MDGA2: variants seen among roughly 807,000 people sequenced by gnomAD.
The protein encoded by MDGA2 is MAM domain containing glycosylphosphatidylinositol anchor 2, also known as MAM domain-containing glycosylphosphatidylinositol anchor protein 2.
MDGA2 carries 40 observed loss-of-function variants against 117.8 expected under a neutral mutation model. That is an observed-to-expected ratio of 0.34 (90% CI 0.26 to 0.44). MDGA2 has a LOEUF of 0.44. MDGA2 is among the 20% of genes least tolerant of loss of function. MDGA2 has a pLI of 1.00. For synonymous variants in MDGA2, 452 were observed against 439.0 expected (o/e 1.03, Z -0.37); for missense variants, 1,123 against 1,250.6 (o/e 0.90, Z 1.54).
At chr14:47,580,797 G>A (rs1456095769) in intron 1 of MDGA2, among the ~76,000 whole-genome samples, 1 of 151,898 alleles carries the variant, frequency 6.6e-6, no homozygotes, top group Admixed American at 6.6e-5. Context: ...GCAATTATGG[G>A]AAATAATGCT....
intron 9 of MDGA2, among the ~76,000 whole-genome samples, chr14:46,933,080 A>G (rs143764407): frequency 1.8e-4 from 28 of 152,202 alleles, no homozygotes; most frequent in African/African-American, 4.8e-4. Flanking sequence ...CAGTACTTGT[A>G]GGTGAAAACA....
intron 1 of MDGA2, among the ~76,000 whole-genome samples, chr14:47,389,742 G>C (rs188032069): frequency 1.3e-5 from 2 of 152,208 alleles, no homozygotes; most frequent in African/African-American, 2.4e-5. Flanking sequence ...TGAAAAAAGG[G>C]GGGAGGGATT....
intron 1 of MDGA2, among the ~76,000 whole-genome samples, chr14:47,656,418 C>T (rs1402866066): frequency 2.0e-5 from 3 of 152,138 alleles, no homozygotes; most frequent in Non-Finnish European, 4.4e-5. Flanking sequence ...GGTACTGCAC[C>T]TGCCCTGCAG....
rs375332903 is a variant in MDGA2 at position 47,312,693 on chromosome 14, G to GTTTTTTTTTTTTTTTTTTTT, written c.281-11144_281-11143insAAAAAAAAAAAAAAAAAAAA. 1.3e-4 allele frequency among the ~76,000 whole-genome samples: 14 copies of GTTTTTTTTTTTTTTTTTTTT among 104,362 alleles called. 1 individual carries two copies. Among genetic ancestry groups the GTTTTTTTTTTTTTTTTTTTT allele is most frequent in the Non-Finnish European group, 1.8e-4 (9 of 50,644 alleles). 68.5% of individuals were successfully genotyped at this position (104,362 alleles called of 152,430 possible). A position where few individuals can be genotyped will look rare whatever the true frequency, so the allele number is the denominator to read the frequency against. On this transcript the variant is annotated intron_variant, in intron 1 of 16. Transcript: ENST00000399232. ...TAGTTTTTAGTTTTTTTTTTGTTTT[G>GTTTTTTTTTTTTTTTTTTTT]TTTTGTTTTTTTTTTTTGTAGAGAT...
intron 2 of MDGA2, among the ~76,000 whole-genome samples, chr14:47,266,402 G>T (rs1887966443): frequency 6.6e-6 from 1 of 152,006 alleles, no homozygotes; most frequent in Admixed American, 6.6e-5. Flanking sequence ...CACTACCCTG[G>T]TCAGGCCACT....
intron 8 of MDGA2, among the ~76,000 whole-genome samples, chr14:46,964,423 A>G (rs1885934588): frequency 6.6e-6 from 1 of 152,228 alleles, no homozygotes; most frequent in African/African-American, 2.4e-5. Context: ...GAGTGGAGTC[A>G]AAAGGACAAG....
intron 1 of MDGA2, among the ~76,000 whole-genome samples, chr14:47,601,462 A>G (rs1246316302): frequency 1.3e-5 from 2 of 152,212 alleles, no homozygotes; most frequent in Non-Finnish European, 2.9e-5. Flanking sequence ...AGGATTAAAA[A>G]GAAATAGTTT....
At chr14:47,258,588 A>G (rs1050675962) in intron 2 of MDGA2, among the ~76,000 whole-genome samples, 2 of 152,106 alleles carry the variant, frequency 1.3e-5, no homozygotes, top group Non-Finnish European at 2.9e-5. Context: ...TCACATGGGA[A>G]GTGGGAAAAT....
intron 10 of MDGA2, among the ~76,000 whole-genome samples, chr14:46,886,011 A>G (rs1234857469): frequency 2.0e-5 from 3 of 152,144 alleles, no homozygotes; most frequent in Non-Finnish European, 4.4e-5. Flanking sequence ...GACGTTTGCT[A>G]TGCTAATGAC....
chr14:46,991,404 T>C (rs1370909003), intron 8 of MDGA2, among the ~76,000 whole-genome samples: 1 of 152,152 alleles, frequency 6.6e-6, no homozygotes, highest in Non-Finnish European at 1.5e-5. Context: ...AAGAGAACAC[T>C]TATTAAAGAG....
chr14:46,891,652 T>C (rs1402239441), intron 10 of MDGA2, among the ~76,000 whole-genome samples: 1 of 151,624 alleles, frequency 6.6e-6, no homozygotes, highest in Admixed American at 6.6e-5. Context: ...ATTTAATGAA[T>C]AGGACTTAAG....
At chr14:46,940,257 A>G (rs999077367) in intron 9 of MDGA2, among the ~76,000 whole-genome samples, 3 of 152,244 alleles carry the variant, frequency 2.0e-5, no homozygotes, top group South Asian at 2.1e-4. Flanking sequence ...TTAAATATTT[A>G]ACTCAAGAAT....
chr14:47,189,133 C>A (rs961266122), intron 3 of MDGA2, among the ~76,000 whole-genome samples: 5 of 152,126 alleles, frequency 3.3e-5, no homozygotes, highest in Non-Finnish European at 7.4e-5. Context: ...CCTGAGATTG[C>A]AACCTTGATC....
At chr14:46,965,549 G>A (rs1048161589) in intron 8 of MDGA2, among the ~76,000 whole-genome samples, 6 of 152,024 alleles carry the variant, frequency 3.9e-5, no homozygotes, top group African/African-American at 9.7e-5. Flanking sequence ...TTTCTTCACC[G>A]CAAAAAAGCT....
At chr14:47,378,037 C>T (rs1361675089) in intron 1 of MDGA2, among the ~76,000 whole-genome samples, 1 of 152,176 alleles carries the variant, frequency 6.6e-6, no homozygotes, top group Non-Finnish European at 1.5e-5. Context: ...CAGGCAGCAA[C>T]ATTTGCCGTT....
intron 1 of MDGA2, among the ~76,000 whole-genome samples, chr14:47,573,080 C>A (rs906903565): frequency 3.9e-5 from 6 of 152,098 alleles, no homozygotes; most frequent in Non-Finnish European, 8.8e-5. Context: ...CAACGACCAA[C>A]CCCTCTGCAA....
At chr14:47,503,165 C>T (rs114705952) in intron 1 of MDGA2, among the ~76,000 whole-genome samples, 2,251 of 152,120 alleles carry the variant, frequency 0.015, 49 homozygotes, top group African/African-American at 0.051. Context: ...GACCATTTTA[C>T]TTTTTTAAAA....
chr14:47,667,071 A>T (rs1200994320), intron 1 of MDGA2, among the ~76,000 whole-genome samples: 1 of 152,236 alleles, frequency 6.6e-6, no homozygotes, highest in East Asian at 1.9e-4. Context: ...CCGCGGCTTC[A>T]TTCTTGAAGT....
At chr14:46,899,207 TA>T (rs1883192717) in intron 10 of MDGA2, among the ~76,000 whole-genome samples, 1 of 151,838 alleles carries the variant, frequency 6.6e-6, no homozygotes, top group African/African-American at 2.4e-5. Context: ...AGGTCAGGAG[TA>T]GATAAAATTT....
Sources: allele counts gnomAD v4.1 joint callset (sites outside exome capture counted in the v4.1 genomes callset), GRCh38; gene constraint gnomAD v4.1.1; transcripts MANE v1.5; gene names NCBI Gene and HGNC (gene_info 2026-07-23, HGNC 2026-07-21).